CFAP20DC: variants seen among roughly 807,000 people sequenced by gnomAD.
The protein encoded by CFAP20DC is CFAP20 domain containing, also known as protein CFAP20DC.
Under a neutral mutation model 101.7 loss-of-function variants are expected in CFAP20DC, and 84 were observed. The observed-to-expected ratio is 0.83, with a 90% CI of 0.69 to 0.99. The LOEUF (loss-of-function observed/expected upper bound fraction) is 0.99. Ranked by LOEUF, CFAP20DC falls within the 50% of genes least tolerant of loss-of-function variation. The pLI, the probability that CFAP20DC is intolerant of heterozygous loss-of-function variation, is 0.00. For missense variants in CFAP20DC, 1,007 were observed against 970.3 expected (o/e 1.04, Z -0.50); for synonymous variants, 359 against 351.2 (o/e 1.02, Z -0.25).
At chr3:59,005,253 G>A (rs1413385642) in intron 4 of CFAP20DC, among the ~76,000 whole-genome samples, 4 of 152,072 alleles carry the variant, frequency 2.6e-5, no homozygotes, top group Non-Finnish European at 5.9e-5. Flanking sequence ...AAAACATGTG[G>A]AGCAGACCTT....
rs530625490 is a variant in CFAP20DC, at chr3:58,912,381, G to A, written c.550+1327C>T. ...TAGTCTGTAAGTGGGTACATAAGAT[G>A]AGCAGCCACACTGTGGTGTGTGATC... On this transcript the variant is annotated intron_variant, in intron 6 of 16. Coordinates refer to ENST00000482387, the MANE Select transcript of CFAP20DC (RefSeq NM_001394063.1). The surrounding 1 kb of genome is among the most constrained non-coding windows in gnomAD (Gnocchi z 4.4). Among the ~76,000 whole-genome samples the A allele has an allele frequency of 1.3e-4, 20 of 152,238 alleles. No homozygotes were observed. In the South Asian group the frequency reaches 3.9e-3, roughly 30 times the overall value.
intron 5 of CFAP20DC, among the ~76,000 whole-genome samples, chr3:58,918,073 C>T (rs188549323): frequency 2.0e-5 from 3 of 152,294 alleles, no homozygotes; most frequent in South Asian, 2.1e-4. Context: ...TTCTTACTTA[C>T]GAAAAGTACT....
chr3:58,888,210 C>T (rs1337126614), intron 6 of CFAP20DC, among the ~76,000 whole-genome samples: 2 of 152,178 alleles, frequency 1.3e-5, no homozygotes, highest in Non-Finnish European at 2.9e-5. Flanking sequence ...TGTGAGTTCA[C>T]AGAAAGCATG....
At chr3:58,791,307 T>C (rs142856512) in intron 15 of CFAP20DC, among the ~76,000 whole-genome samples, 270 of 152,352 alleles carry the variant, frequency 1.8e-3, no homozygotes, top group Middle Eastern at 3.4e-3. Context: ...AAACATGTTA[T>C]GAGTATTATT....
intron 3 of CFAP20DC, among the ~76,000 whole-genome samples, chr3:59,041,981 T>C (rs1005947869): frequency 1.2e-4 from 18 of 152,162 alleles, no homozygotes; most frequent in Non-Finnish European, 2.1e-4. Flanking sequence ...ACATGCTCTC[T>C]GACCTTTTAG....
chr3:59,046,349 T>C, intron 2 of CFAP20DC, 27 bp from the exon 3 acceptor site: 1 of 1,333,574 alleles, frequency 7.5e-7, no homozygotes, highest in Non-Finnish European at 1.0e-6. Context: ...AAACAGTAGT[T>C]ATCACAGGAT....
downstream of CFAP20DC, among the ~76,000 whole-genome samples, chr3:58,739,612 T>C (rs943310796): frequency 2.0e-5 from 3 of 152,242 alleles, no homozygotes; most frequent in South Asian, 2.1e-4. Flanking sequence ...CCTGACTGCA[T>C]ATTGGCATGG....
At chr3:58,911,700 GA>G (rs2084175910) in intron 6 of CFAP20DC, among the ~76,000 whole-genome samples, 1 of 151,982 alleles carries the variant, frequency 6.6e-6, no homozygotes, top group South Asian at 2.1e-4. Context: ...TCTTAACTCT[GA>G]AAAAAACCAT....
At chr3:58,945,086 A>T (rs1359762013) in intron 4 of CFAP20DC, among the ~76,000 whole-genome samples, 1 of 152,194 alleles carries the variant, frequency 6.6e-6, no homozygotes, top group Non-Finnish European at 1.5e-5. Context: ...ATCCTCCCAT[A>T]AACCCTACAA....
In CFAP20DC at chr3:58,899,600, G is replaced by C. The variant is rs916896124; in HGVS notation, c.550+14108C>G. 6.6e-6 allele frequency among the ~76,000 whole-genome samples: 1 copy of C among 152,140 alleles called. No homozygotes were observed. Among genetic ancestry groups the C allele is most frequent in the Non-Finnish European group, 1.5e-5 (1 of 68,034 alleles). Reference sequence around the variant, plus strand: ...CACACAGCTCTGTTTATTGGACCCAGTACCCTGGTGGCATGCGCTTATGAG... The same window carrying C: ...CACACAGCTCTGTTTATTGGACCCACTACCCTGGTGGCATGCGCTTATGAG... On this transcript the variant is annotated intron_variant, in intron 6 of 16. Coordinates refer to ENST00000482387, the MANE Select transcript of CFAP20DC (RefSeq NM_001394063.1). This position sits in a 1 kb window ranked among gnomAD's most constrained non-coding sequence, Gnocchi z 5.0.
At chr3:58,716,255 G>A (rs1023045121), downstream of CFAP20DC, among the ~76,000 whole-genome samples, 22 of 141,412 alleles carry the variant, frequency 1.6e-4, no homozygotes, top group Admixed American at 5.4e-4. Context: ...TCCGCTTCCC[G>A]GGTTCACGCC....
chr3:58,810,012 G>A lies in CFAP20DC; in HGVS notation c.2176-3556C>T, dbSNP rs962665108. On this transcript the variant is annotated intron_variant, in intron 14 of 16. Coordinates refer to ENST00000482387, the MANE Select transcript of CFAP20DC (RefSeq NM_001394063.1). ...CCCACGACTAAACCAGGAAGAAGTT[G>A]AATCTCTGAATAGACCAATAACAGG... Among the ~76,000 whole-genome samples the A allele has an allele frequency of 1.4e-4, 22 of 152,242 alleles. No individual in the cohort carries two copies. In the Middle Eastern group the frequency reaches 0.01, roughly 71 times the overall value.
chr3:58,725,073 A>G (rs369668690), intron 3 of CFAP20DC, among the ~76,000 whole-genome samples: 1 of 152,222 alleles, frequency 6.6e-6, no homozygotes, highest in East Asian at 1.9e-4. Context: ...GTATTCTTCG[A>G]AGTCCCAATA....
intron 15 of CFAP20DC, among the ~76,000 whole-genome samples, chr3:58,765,036 C>T (rs1559558928): frequency 6.6e-6 from 1 of 152,104 alleles, no homozygotes; most frequent in Non-Finnish European, 1.5e-5. Flanking sequence ...ATACTAAAAT[C>T]TTGGCCGTAA....
rs795415 is a variant in CFAP20DC, at chr3:58,814,620, C to T, written c.2176-8164G>A. ...TATCTAGAAAACCCCATTGTCTCAG[C>T]CCAAAATCTCCTTAAGCTGATAATC... On this transcript the variant is annotated intron_variant, in intron 14 of 16. Coordinates refer to ENST00000482387, the MANE Select transcript of CFAP20DC (RefSeq NM_001394063.1). Among the ~76,000 whole-genome samples the T allele has an allele frequency of 5.6e-4, 84 of 151,252 alleles. 1 individual carries two copies. Among genetic ancestry groups the T allele is most frequent in the African/African-American group, 1.7e-3 (68 of 40,674 alleles).
chr3:58,856,849 A>G (rs1231692785), intron 12 of CFAP20DC, among the ~76,000 whole-genome samples: 1 of 151,108 alleles, frequency 6.6e-6, no homozygotes, highest in Admixed American at 6.6e-5. Flanking sequence ...TCTTTTCTCT[A>G]ATTTTTTAAA....
At chr3:58,780,522 C>G (rs1359703119) in intron 15 of CFAP20DC, among the ~76,000 whole-genome samples, 1 of 151,584 alleles carries the variant, frequency 6.6e-6, no homozygotes, top group Non-Finnish European at 1.5e-5. Flanking sequence ...AAAAAAGATC[C>G]AAGTATATGC....
chr3:58,808,036 C>G (rs940401082), intron 14 of CFAP20DC, among the ~76,000 whole-genome samples: 1 of 152,112 alleles, frequency 6.6e-6, no homozygotes, highest in Non-Finnish European at 1.5e-5. Flanking sequence ...AAGAAATGAA[C>G]AAAGCCTCCA....
In CFAP20DC at chr3:58,980,770, G is replaced by C. The variant is rs1326613921; in HGVS notation, c.279-43008C>G. Reference sequence around the variant, plus strand: ...TATCATACTGAATGGGCAAAAACTAGAGGCATTACCTTTGAAAACTGGCAC... The same window carrying C: ...TATCATACTGAATGGGCAAAAACTACAGGCATTACCTTTGAAAACTGGCAC... On this transcript the variant is annotated intron_variant, in intron 4 of 16. Transcript: ENST00000482387. Among the ~76,000 whole-genome samples the C allele has an allele frequency of 6.6e-5, 10 of 152,176 alleles. No individual in the cohort carries two copies. The South Asian group carries it at 2.1e-3, about 31-fold the overall frequency.
Sources: allele counts gnomAD v4.1 joint callset (sites outside exome capture counted in the v4.1 genomes callset), GRCh38; gene constraint gnomAD v4.1.1; non-coding constraint Gnocchi (gnomAD v3.1); transcripts MANE v1.5; gene names NCBI Gene and HGNC (gene_info 2026-07-23, HGNC 2026-07-21).